TMEM183A: variants seen among roughly 807,000 people sequenced by gnomAD.
The protein encoded by TMEM183A is transmembrane protein 183A.
Under a neutral mutation model 46.7 loss-of-function variants are expected in TMEM183A, and 21 were observed. The ratio of observed to expected loss-of-function variants is 0.45; its 90% CI spans 0.32 to 0.65. The LOEUF (loss-of-function observed/expected upper bound fraction) is 0.65. TMEM183A is among the 30% of genes least tolerant of loss of function. The pLI, the probability that TMEM183A is intolerant of heterozygous loss-of-function variation, is 0.04. For synonymous variants in TMEM183A, 165 were observed against 180.2 expected, an observed-to-expected ratio of 0.92 and a Z score of 0.68; for missense variants, 331 against 481.9, an observed-to-expected ratio of 0.69 and a Z score of 2.93.
chr1:203,007,658 C>T (rs1208471593), intron 1 of TMEM183A, 84 bp downstream of exon 1: 48 of 1,535,656 alleles, frequency 3.1e-5, no homozygotes, highest in Non-Finnish European at 4.2e-5. Context: ...TGAGCGCTCG[C>T]GTGCCCGCGG....
Position 203,007,590 on chromosome 1 carries a change from AG to A in TMEM183A, c.109+20del. 1 of 1,540,672 alleles carries A rather than the reference AG, an allele frequency of 6.5e-7. No individual in the cohort carries two copies. The highest frequency in any genetic ancestry group is 2.4e-5 in the East Asian group (1 of 41,604). On this transcript the variant is annotated intron_variant, in intron 1 of 7. Transcript: ENST00000367242. ...TCCGGCCGAGGTGGGCGAGGGGGGC[AG>A]GGGCGCTGAAACATTTTGGGGGCTG...
chr1:203,012,720 G>GT lies in TMEM183A; in HGVS notation c.368-2162dup, dbSNP rs1276468614. On this transcript the variant is annotated intron_variant, in intron 3 of 7. Coordinates refer to ENST00000367242, the MANE Select transcript of TMEM183A (RefSeq NM_138391.6). ...GTCTCAGTAGAGGAAATTTTTGTTT[G>GT]TTTTTTTGGTTTTTGTTTCGGTGTT... 3.3e-5 allele frequency among the ~76,000 whole-genome samples: 5 copies of GT among 152,162 alleles called. No homozygotes were observed. In the South Asian group the frequency reaches 1.0e-3, roughly 32 times the overall value.
chr1:203,013,360 A>G lies in TMEM183A; in HGVS notation c.368-1529A>G, dbSNP rs908509260. Among the ~76,000 whole-genome samples, 2 of 152,160 alleles carry G rather than the reference A, an allele frequency of 1.3e-5. No individual in the cohort carries two copies. The highest frequency in any genetic ancestry group is 4.8e-5 in the African/African-American group (2 of 41,442). On this transcript the variant is annotated intron_variant, in intron 3 of 7. Transcript: ENST00000367242. This position sits in a 1 kb window ranked among gnomAD's most constrained non-coding sequence, Gnocchi z 4.0. ...TATGACTAGGTTTGAAATAAGGGTTAAGGTTAGGATTAGCTCAGATTCAGG... is the reference window on the plus strand; with the variant it reads ...TATGACTAGGTTTGAAATAAGGGTTGAGGTTAGGATTAGCTCAGATTCAGG...
chr1:203,010,150 GA>G (rs869182701), intron 3 of TMEM183A, among the ~76,000 whole-genome samples: 3 of 130,952 alleles, frequency 2.3e-5, no homozygotes, highest in Non-Finnish European at 5.0e-5. Flanking sequence ...AAAAAAAAAA[GA>G]AAAAAATAAT....
In TMEM183A at chr1:203,013,160, G is replaced by T. The variant is rs6694591; in HGVS notation, c.368-1729G>T. Among the ~76,000 whole-genome samples the T allele has an allele frequency of 0.082, 12,540 of 152,274 alleles. 623 individuals carry two copies. The highest frequency in any genetic ancestry group is 0.14 in the East Asian group (739 of 5,186). On this transcript the variant is annotated intron_variant, in intron 3 of 7. Coordinates refer to ENST00000367242, the MANE Select transcript of TMEM183A (RefSeq NM_138391.6). This position sits in a 1 kb window ranked among gnomAD's most constrained non-coding sequence, Gnocchi z 4.0. The stretch of plus-strand genomic sequence containing the variant: ...TATAAGAAGGATAAGAATTAGAAAA[G>T]ATGATGATGTTTTAGACATATTGGG...
chr1:203,013,004 G>A lies in TMEM183A; in HGVS notation c.368-1885G>A, dbSNP rs1656817631. On this transcript the variant is annotated intron_variant, in intron 3 of 7. Transcript: ENST00000367242. The surrounding 1 kb of genome is among the most constrained non-coding windows in gnomAD (Gnocchi z 4.0). Reference sequence around the variant, plus strand: ...CAAAGCGTTGAGATTACAGGCATGAGCCACTGCACTCAGCCACAATAGAGG... The same window carrying A: ...CAAAGCGTTGAGATTACAGGCATGAACCACTGCACTCAGCCACAATAGAGG... Among the ~76,000 whole-genome samples, 1 of 152,332 alleles carries A rather than the reference G, an allele frequency of 6.6e-6. No homozygotes were observed. Among genetic ancestry groups the A allele is most frequent in the South Asian group, 2.1e-4 (1 of 4,826 alleles).
chr1:203,007,604 A>G (rs1377480413), intron 1 of TMEM183A, 30 bp downstream of exon 1: 4 of 1,533,312 alleles, frequency 2.6e-6, no homozygotes, highest in Non-Finnish European at 3.5e-6. Flanking sequence ...GCGCTGAAAC[A>G]TTTTGGGGGC....
chr1:203,018,310 C>G (rs1405758980), intron 5 of TMEM183A, among the ~76,000 whole-genome samples, 171 bp from the exon 6 acceptor site: 1 of 152,150 alleles, frequency 6.6e-6, no homozygotes, highest in African/African-American at 2.4e-5. Context: ...TATGTTGCAC[C>G]AGTGTCAACT....
Position 203,013,598 on chromosome 1 carries a change from G to A in TMEM183A, c.368-1291G>A, listed in dbSNP as rs1280048661. On this transcript the variant is annotated intron_variant, in intron 3 of 7. Coordinates refer to ENST00000367242, the MANE Select transcript of TMEM183A (RefSeq NM_138391.6). The surrounding 1 kb of genome is among the most constrained non-coding windows in gnomAD (Gnocchi z 4.0). ...GCTATCTCGGCTCACTGCAAGCTCCGCCTCCTGGGTTCACGCCATTCTCCT... is the reference window on the plus strand; with the variant it reads ...GCTATCTCGGCTCACTGCAAGCTCCACCTCCTGGGTTCACGCCATTCTCCT... Among the ~76,000 whole-genome samples the A allele has an allele frequency of 2.0e-5, 3 of 151,386 alleles. No individual in the cohort carries two copies.
Position 203,013,611 on chromosome 1 carries a change from A to G in TMEM183A, c.368-1278A>G, listed in dbSNP as rs1656882026. 6.6e-6 allele frequency among the ~76,000 whole-genome samples: 1 copy of G among 151,920 alleles called. No individual in the cohort carries two copies. The highest frequency in any genetic ancestry group is 2.4e-5 in the African/African-American group (1 of 41,318). On this transcript the variant is annotated intron_variant, in intron 3 of 7. Transcript: ENST00000367242. The surrounding 1 kb of genome is among the most constrained non-coding windows in gnomAD (Gnocchi z 4.0). ...ACTGCAAGCTCCGCCTCCTGGGTTC[A>G]CGCCATTCTCCTGCCTCAGCCTCCC...
In TMEM183A at chr1:203,007,475, G is replaced by C. The variant is rs766528433; in HGVS notation, c.10G>C (p.Gly4Arg). 2.3e-5 allele frequency: 34 copies of C among 1,460,484 alleles called. No homozygotes were observed. The African/African-American group carries it at 5.0e-4, about 21-fold the overall frequency. 90.5% of individuals were successfully genotyped at this position (1,460,484 alleles called of 1,614,324 possible). The stretch of plus-strand genomic sequence containing the variant: ...CTCTCCGGCCGGAGACATGGCCCGG[G>C]GGCCCGGCCCGCTAGGCAGGCCTCG... MAR[G>R]PGPLGRPRPD... The change falls in exon 1 of 8, where the codon GGG becomes CGG. Residue 4 changes from glycine to arginine, a missense_variant. Around this residue, in one of 2 missense-constraint regions of TMEM183A, gnomAD observed 98 missense variants for 96.1 expected, o/e 1.02. Transcript: ENST00000367242.
rs775134653 is a variant in TMEM183A at position 203,007,568 on chromosome 1, G to A, written c.103G>A (p.Gly35Ser). The A allele has an allele frequency of 6.5e-7, 1 of 1,547,110 alleles. No individual in the cohort carries two copies. Among genetic ancestry groups the A allele is most frequent in the Non-Finnish European group, 8.7e-7 (1 of 1,152,090 alleles). The change falls in exon 1 of 8, where the codon GGC (glycine) becomes AGC (serine). Residue 35 changes from glycine to serine, a missense_variant. Transcript: ENST00000367242. ...LKFRAHDACS[G>S]RVTVADYANS... ...GTTCCGGGCCCACGACGCCTGCTCC[G>A]GCCGAGGTGGGCGAGGGGGGCAGGG... is the stretch of plus-strand genomic sequence containing the variant.
Position 203,013,137 on chromosome 1 carries a change from TAAG to T in TMEM183A, c.368-1748_368-1746del, listed in dbSNP as rs754521092. 2.0e-5 allele frequency among the ~76,000 whole-genome samples: 3 copies of T among 152,196 alleles called. No homozygotes were observed. The highest frequency in any genetic ancestry group is 4.4e-5 in the Non-Finnish European group (3 of 68,046). On this transcript the variant is annotated intron_variant, in intron 3 of 7. Transcript: ENST00000367242. This position sits in a 1 kb window ranked among gnomAD's most constrained non-coding sequence, Gnocchi z 4.0. The stretch of plus-strand genomic sequence containing the variant: ...TGTCTTGCATGATTACTGGAGATTA[TAAG>T]AAGGATAAGAATTAGAAAAGATGAT...
chr1:203,019,252 A>T (rs1405197624), intron 6 of TMEM183A, among the ~76,000 whole-genome samples: 1 of 152,192 alleles, frequency 6.6e-6, no homozygotes, highest in Non-Finnish European at 1.5e-5. Flanking sequence ...CGTTTTGGAT[A>T]AGGGATACTC....
At position 203,007,844 on chromosome 1, in the gene TMEM183A, C is replaced by T. The variant is rs1400850341; in HGVS notation, c.180C>T (p.Ala60=). 4 of 1,614,020 alleles carry T rather than the reference C, an allele frequency of 2.5e-6. No homozygotes were observed. The South Asian group carries it at 3.3e-5, about 13-fold the overall frequency. ...VRSGRVKKAV[A]NAVQQEVKSL... is the part of the protein sequence containing the mutation. ...CTGGACGAGTCAAGAAAGCCGTAGCCAACGCTGTTCAGCAGGAAGGTAAGC... is the reference window on the plus strand; with the variant it reads ...CTGGACGAGTCAAGAAAGCCGTAGCTAACGCTGTTCAGCAGGAAGGTAAGC... The change falls in exon 2 of 8, where the codon GCC becomes GCT. Residue 60 remains alanine, a synonymous_variant. Coordinates refer to ENST00000367242, the MANE Select transcript of TMEM183A (RefSeq NM_138391.6).
chr1:203,020,813 G>T lies in TMEM183A; in HGVS notation c.810G>T (p.Lys270Asn). 1 of 1,613,952 alleles carries T rather than the reference G, an allele frequency of 6.2e-7. No individual in the cohort carries two copies. Among genetic ancestry groups the T allele is most frequent in the Non-Finnish European group, 8.5e-7 (1 of 1,179,900 alleles). The change falls in exon 7 of 8, where the codon AAG (lysine) becomes AAT (asparagine). Residue 270 changes from lysine (K) to asparagine (N), a missense_variant. Transcript: ENST00000367242. The part of the protein sequence containing the change: ...FKKQSPRLKS[K>N]CTGGLQPPVQ... ...TTCAGTCCCCTAGGTTAAAGAGCAAGTGTACAGGAGGATTGCAGCCTCCCG... is the reference window on the plus strand; with the variant it reads ...TTCAGTCCCCTAGGTTAAAGAGCAATTGTACAGGAGGATTGCAGCCTCCCG...
intron 3 of TMEM183A, among the ~76,000 whole-genome samples, chr1:203,010,164 TA>T (rs1456661515): frequency 6.6e-6 from 1 of 151,744 alleles, no homozygotes; most frequent in Non-Finnish European, 1.5e-5. Context: ...AAAATAATAG[TA>T]AATGATGTAT....
At chr1:203,014,753 TAA>T in intron 3 of TMEM183A, 134 bp from the exon 4 acceptor site, 1 of 1,291,650 alleles carries the variant, frequency 7.7e-7, no homozygotes, top group Non-Finnish European at 1.0e-6. Context: ...CAGGAAATGA[TAA>T]GTTTGAGGGG....
In TMEM183A at chr1:203,013,598, G is replaced by T. The variant is rs1280048661; in HGVS notation, c.368-1291G>T. Among the ~76,000 whole-genome samples, 1 of 151,386 alleles carries T rather than the reference G, an allele frequency of 6.6e-6. No homozygotes were observed. Among genetic ancestry groups the T allele is most frequent in the African/African-American group, 2.4e-5 (1 of 41,148 alleles). On this transcript the variant is annotated intron_variant, in intron 3 of 7. Coordinates refer to ENST00000367242, the MANE Select transcript of TMEM183A (RefSeq NM_138391.6). This position sits in a 1 kb window ranked among gnomAD's most constrained non-coding sequence, Gnocchi z 4.0. ...GCTATCTCGGCTCACTGCAAGCTCC[G>T]CCTCCTGGGTTCACGCCATTCTCCT...
Sources: allele counts gnomAD v4.1 joint callset (sites outside exome capture counted in the v4.1 genomes callset), GRCh38; gene constraint gnomAD v4.1.1; regional missense constraint gnomAD v4.1.1; non-coding constraint Gnocchi (gnomAD v3.1); transcripts MANE v1.5; gene names NCBI Gene and HGNC (gene_info 2026-07-23, HGNC 2026-07-21).